Variants in DLG2 observed in about 807,000 individuals in gnomAD.
DLG2 encodes discs large MAGUK scaffold protein 2, also known as disks large homolog 2.
Under a neutral mutation model 132.5 loss-of-function variants are expected in DLG2, and 45 were observed. The observed-to-expected ratio is 0.34, with a 90% confidence interval of 0.27 to 0.44. The LOEUF (loss-of-function observed/expected upper bound fraction) is 0.44. DLG2 is among the 20% of genes least tolerant of loss of function. DLG2 has a pLI of 1.00. For missense variants in DLG2, 1,045 were observed against 1,196.9 expected (o/e 0.87, Z 1.87); for synonymous variants, 424 against 419.6 (o/e 1.01, Z -0.13).
At chr11:85,590,389 G>A (rs912372128) in intron 3 of DLG2, among the ~76,000 whole-genome samples, 1 of 152,078 alleles carries the variant, frequency 6.6e-6, no homozygotes, top group African/African-American at 2.4e-5. Context: ...GGGAAGAAGT[G>A]ATTAATTCTG....
intron 6 of DLG2, among the ~76,000 whole-genome samples, chr11:84,876,685 A>G (rs1490379429): frequency 1.3e-5 from 2 of 151,976 alleles, no homozygotes; most frequent in Non-Finnish European, 2.9e-5. Context: ...TATCTCCTTC[A>G]GTTCTGCTCT....
chr11:84,257,085 T>C (rs2097484697), intron 7 of DLG2, among the ~76,000 whole-genome samples: 1 of 152,160 alleles, frequency 6.6e-6, no homozygotes, highest in Non-Finnish European at 1.5e-5. Flanking sequence ...GGATTAGATA[T>C]GCTGAGTGTT....
chr11:85,628,257 G>A (rs142239037), upstream of DLG2, among the ~76,000 whole-genome samples: 797 of 152,336 alleles, frequency 5.2e-3, 8 homozygotes, highest in African/African-American at 0.018. Flanking sequence ...CTAGTTCCCA[G>A]CTGCCCTGAG....
intron 11 of DLG2, among the ~76,000 whole-genome samples, chr11:84,033,581 T>C (rs747476049): frequency 6.6e-6 from 1 of 152,228 alleles, no homozygotes; most frequent in Admixed American, 6.5e-5. Flanking sequence ...TGCCTAAATT[T>C]AGTTGATGAA....
At chr11:84,255,372 G>A (rs564998306) in intron 7 of DLG2, among the ~76,000 whole-genome samples, 11 of 152,200 alleles carry the variant, frequency 7.2e-5, no homozygotes, top group African/African-American at 2.6e-4. Context: ...CACCCAGGCT[G>A]GAGTACAGTG....
At chr11:85,400,172 C>G (rs2087906398) in intron 3 of DLG2, among the ~76,000 whole-genome samples, 1 of 152,066 alleles carries the variant, frequency 6.6e-6, no homozygotes, top group Admixed American at 6.6e-5. Context: ...CCAAAAGACA[C>G]ATGAAAAAAT....
chr11:85,412,487 C>T (rs1049519444), intron 3 of DLG2, among the ~76,000 whole-genome samples: 4 of 151,598 alleles, frequency 2.6e-5, no homozygotes, highest in Non-Finnish European at 4.4e-5. Flanking sequence ...GTATACACTG[C>T]ACCATATTTG....
intron 6 of DLG2, among the ~76,000 whole-genome samples, chr11:85,093,307 T>C (rs1330532512): frequency 1.4e-5 from 1 of 71,476 alleles, no homozygotes; most frequent in Non-Finnish European, 2.4e-5. Flanking sequence ...AAGGGAGTTT[T>C]TGTTTTTTTT....
chr11:83,716,355 G>T (rs571733231), intron 18 of DLG2, among the ~76,000 whole-genome samples: 49 of 152,260 alleles, frequency 3.2e-4, no homozygotes, highest in Non-Finnish European at 4.7e-4. Context: ...TTGGCCAGTT[G>T]TCTTACTCTC....
intron 19 of DLG2, among the ~76,000 whole-genome samples, chr11:83,592,163 A>C (rs1218947092): frequency 0.013 from 1,433 of 111,360 alleles, no homozygotes; most frequent in East Asian, 0.016. Context: ...ATATGGAACC[A>C]AAAAAGAGCC....
intron 11 of DLG2, among the ~76,000 whole-genome samples, chr11:84,034,797 C>G (rs899150386): frequency 6.6e-6 from 1 of 152,170 alleles, no homozygotes; most frequent in Admixed American, 6.5e-5. Context: ...CAATAACAAG[C>G]CTGTCTGGTG....
intron 6 of DLG2, among the ~76,000 whole-genome samples, chr11:84,842,764 A>G (rs952201): frequency 0.85 from 128,247 of 151,638 alleles, 55,142 homozygotes; most frequent in Middle Eastern, 0.97. Context: ...TCATTAAAGG[A>G]GAGGGTATAA....
intron 6 of DLG2, among the ~76,000 whole-genome samples, chr11:84,854,540 T>G (rs963710747): frequency 2.0e-5 from 3 of 152,014 alleles, no homozygotes; most frequent in Non-Finnish European, 4.4e-5. Context: ...TGAAAACCCC[T>G]GTCTTCTATT....
intron 7 of DLG2, among the ~76,000 whole-genome samples, chr11:84,491,616 C>T (rs1269894129): frequency 6.6e-6 from 1 of 152,070 alleles, no homozygotes; most frequent in Non-Finnish European, 1.5e-5. Context: ...AACACAGCTG[C>T]CATTAAGAAA....
intron 3 of DLG2, among the ~76,000 whole-genome samples, chr11:85,477,992 G>A (rs895443658): frequency 6.6e-6 from 1 of 151,836 alleles, no homozygotes; most frequent in Non-Finnish European, 1.5e-5. Flanking sequence ...GTATTGGGAG[G>A]GCTGAGTGGA....
intron 3 of DLG2, among the ~76,000 whole-genome samples, chr11:85,442,456 T>C (rs934643129): frequency 3.9e-5 from 6 of 152,064 alleles, no homozygotes; most frequent in African/African-American, 1.4e-4. Context: ...GAAAAGAAAG[T>C]GGAATCAAAA....
chr11:84,066,363 C>T (rs928993726), intron 10 of DLG2, among the ~76,000 whole-genome samples: 17 of 152,108 alleles, frequency 1.1e-4, no homozygotes, highest in African/African-American at 3.9e-4. Context: ...TTTTGATATA[C>T]AAACTTTACC....
chr11:85,563,115 A>AT (rs1039803286), intron 3 of DLG2, among the ~76,000 whole-genome samples: 7 of 151,760 alleles, frequency 4.6e-5, no homozygotes, highest in African/African-American at 1.7e-4. Flanking sequence ...TCAGATAGGC[A>AT]TGAGTTTATC....
intron 7 of DLG2, among the ~76,000 whole-genome samples, chr11:84,510,196 G>C (rs1202280412): frequency 6.6e-6 from 1 of 151,450 alleles, no homozygotes; most frequent in Admixed American, 6.6e-5. Flanking sequence ...GTCAAAAGAA[G>C]TATTAGTTAT....
Sources: gnomAD v4.1 joint callset for allele counts (sites outside exome capture counted in the v4.1 genomes callset) on GRCh38, gnomAD v4.1.1 for gene constraint, MANE v1.5 for transcripts, NCBI Gene and HGNC (gene_info 2026-07-23, HGNC 2026-07-21) for gene names.